Variants in C4orf50 observed in about 807,000 individuals in gnomAD.
The protein encoded by C4orf50 is chromosome 4 open reading frame 50, also known as uncharacterized protein C4orf50.
C4orf50 carries 80 observed loss-of-function variants against 77.2 expected under a neutral mutation model. The observed-to-expected ratio is 1.04, with a 90% confidence interval of 0.87 to 1.25. The LOEUF (loss-of-function observed/expected upper bound fraction) is 1.25. Ranked by LOEUF, C4orf50 falls within the 50% of genes most tolerant of loss-of-function variation. The pLI is 0.00. For synonymous variants in C4orf50, 532 were observed against 465.3 expected (o/e 1.14, Z -1.84); for missense variants, 1,257 against 1,152.9 (o/e 1.09, Z -1.31).
Position 5,988,823 on chromosome 4 carries a change from C to T in C4orf50, c.3223G>A (p.Val1075Met), listed in dbSNP as rs537996369. 21 of 1,536,096 alleles carry T rather than the reference C, an allele frequency of 1.4e-5. No homozygotes were observed. The African/African-American group carries it at 1.6e-4, about 12-fold the overall frequency. Residue 1075 changes from valine (V) to methionine (M), a missense_variant, in exon 28 of 34, where the codon GTG becomes ATG. Val to Met is a conservative substitution (Grantham distance 21). Transcript: ENST00000531445. Reference sequence around the variant, plus strand: ...CGGATCATGTCTTCTATTCCTAGCACGATATCCTTTATCAGCTCTTTATAA... The same window carrying T: ...CGGATCATGTCTTCTATTCCTAGCATGATATCCTTTATCAGCTCTTTATAA...
chr4:5,930,619 G>C (rs1378476303), intron 7 of C4orf50, among the ~76,000 whole-genome samples: 4 of 152,228 alleles, frequency 2.6e-5, no homozygotes, highest in Admixed American at 2.6e-4. Context: ...GCTCTGCATA[G>C]AGCGGGCATG....
At chr4:5,996,080 C>G (rs1412838891) in intron 25 of C4orf50, among the ~76,000 whole-genome samples, 2 of 152,226 alleles carry the variant, frequency 1.3e-5, no homozygotes, top group Non-Finnish European at 2.9e-5. Context: ...TGGTGCCCAT[C>G]TATGGGCTGT....
intron 26 of C4orf50, 100 bp from the exon 5 acceptor site, chr4:5,993,030 A>ACCC (rs138600012): frequency 5.2e-6 from 2 of 387,188 alleles, no homozygotes; most frequent in East Asian, 3.6e-5. Context: ...GTAAGATGGC[A>ACCC]CCCCCCCCAC....
intron 7 of C4orf50, among the ~76,000 whole-genome samples, chr4:5,910,803 G>T (rs1716769518): frequency 6.6e-6 from 1 of 152,074 alleles, no homozygotes; most frequent in South Asian, 2.1e-4. Flanking sequence ...GTTGTTGTCA[G>T]TGGAGTGGGG....
rs1211987711 is a variant in C4orf50 at position 5,901,060 on chromosome 4, G to A, written c.*2475-2872C>T. The stretch of plus-strand genomic sequence containing the variant: ...CACACCTCCGACATACCTATTTTAA[G>A]AACAGTGCCTAGCAGTTCATGGGGA... On this transcript the variant is annotated intron_variant, in intron 7 of 7. Coordinates refer to the C4orf50 transcript ENST00000324058. The surrounding 1 kb of genome is among the most constrained non-coding windows in gnomAD (Gnocchi z 4.4). 6.6e-6 allele frequency: 1 copy of A among 152,230 alleles called. No homozygotes were observed. The highest frequency in any genetic ancestry group is 1.5e-5 in the Non-Finnish European group (1 of 68,050). The allele number at this position is 152,230 out of a possible 1,614,324, so 9.4% of individuals were successfully genotyped here.
At chr4:5,975,914 T>G in exon 30 of C4orf50, 2 of 1,613,688 alleles carry the variant, frequency 1.2e-6, no homozygotes, top group Non-Finnish European at 1.7e-6. Flanking sequence ...GGGGAGTCAC[T>G]GCCAACTTTG....
At position 5,965,114 on chromosome 4, in the gene C4orf50, G is replaced by A. The variant is rs781684678; in HGVS notation, c.4185C>T (p.Asp1395=). 32 of 1,613,316 alleles carry A rather than the reference G, an allele frequency of 2.0e-5. No homozygotes were observed. In the South Asian group the frequency reaches 2.1e-4, roughly 11 times the overall value. ...AAGACAATGAGCTTTGGAGGACACT[G>A]TCCATTTCAGGATTCAAGAGGTATG... is the stretch of plus-strand genomic sequence containing the variant. The change falls in exon 33 of 34, where the codon GAC becomes GAT. Residue 1395 remains aspartate (D), a synonymous_variant. Transcript: ENST00000531445.
chr4:5,920,415 C>T (rs952658940), intron 7 of C4orf50, among the ~76,000 whole-genome samples: 1 of 151,176 alleles, frequency 6.6e-6, no homozygotes, highest in African/African-American at 2.4e-5. Flanking sequence ...CAGGTACCTA[C>T]TTCATGCTGG....
rs185004109 is a variant in C4orf50, at chr4:5,972,517, C to T, written c.4104+1142G>A. Among the ~76,000 whole-genome samples, 672 of 152,282 alleles carry T rather than the reference C, an allele frequency of 4.4e-3. 2 individuals carry two copies. Among genetic ancestry groups the T allele is most frequent in the Middle Eastern group, 0.01 (3 of 294 alleles). The stretch of plus-strand genomic sequence containing the variant: ...CCTATGAATTGAGTCAAAAAATGGC[C>T]CTGAACATGCCTCTTGGCCTCCAAG... On this transcript the variant is annotated intron_variant, in intron 31 of 33. Transcript: ENST00000531445.
At chr4:5,946,577 T>C (rs957065610) in intron 7 of C4orf50, among the ~76,000 whole-genome samples, 2 of 152,208 alleles carry the variant, frequency 1.3e-5, no homozygotes, top group African/African-American at 4.8e-5. Flanking sequence ...GCTTGCAGCC[T>C]ATGCCCCTCC....
At chr4:5,931,112 A>G (rs11729688) in intron 7 of C4orf50, among the ~76,000 whole-genome samples, 36,394 of 152,004 alleles carry the variant, frequency 0.24, 5,597 homozygotes, top group African/African-American at 0.45. Context: ...ACTGGAATCC[A>G]ACTCTGTCAG....
At position 6,017,342 on chromosome 4, in the gene C4orf50, G is replaced by C. The variant is rs1024679747; in HGVS notation, c.287+803C>G. Among the ~76,000 whole-genome samples, 1 of 152,238 alleles carries C rather than the reference G, an allele frequency of 6.6e-6. No homozygotes were observed. Among genetic ancestry groups the C allele is most frequent in the Non-Finnish European group, 1.5e-5 (1 of 68,046 alleles). ...AGCCAGGCCACCCAGCGGGAGCTGG[G>C]ACCGCAGAGGAAGCCGAGAGCACAT... On this transcript the variant is annotated intron_variant, in intron 23 of 33. Coordinates refer to ENST00000531445, the Ensembl canonical transcript of C4orf50. The surrounding 1 kb of genome is among the most constrained non-coding windows in gnomAD (Gnocchi z 4.7).
intron 25 of C4orf50, among the ~76,000 whole-genome samples, chr4:6,001,951 C>T (rs1222822353): frequency 6.6e-6 from 1 of 152,242 alleles, no homozygotes; most frequent in African/African-American, 2.4e-5. Flanking sequence ...ACAAAAGAGG[C>T]TCCTGGGGTC....
intron 31 of C4orf50, 132 bp from the exon 10 acceptor site, chr4:5,967,594 CCT>C: frequency 1.3e-6 from 1 of 741,246 alleles, no homozygotes; most frequent in Non-Finnish European, 2.4e-6. Context: ...TAGGACCAAC[CCT>C]GCCTGTGTGC....
chr4:5,961,478 A>G (rs931805414), intron 33 of C4orf50, among the ~76,000 whole-genome samples: 1 of 152,238 alleles, frequency 6.6e-6, no homozygotes, highest in Admixed American at 6.5e-5. Context: ...CACTTTCCAC[A>G]TATTGATTCA....
intron 7 of C4orf50, among the ~76,000 whole-genome samples, chr4:5,951,635 C>T (rs950197434): frequency 2.0e-5 from 3 of 152,196 alleles, no homozygotes; most frequent in African/African-American, 7.2e-5. Context: ...AATAAATGGT[C>T]TAAGACAGAC....
At chr4:6,004,363 A>ACTG (rs1202492771) in intron 25 of C4orf50, among the ~76,000 whole-genome samples, 3 of 13,786 alleles carry the variant, frequency 2.2e-4, no homozygotes, top group Non-Finnish European at 4.0e-4. Flanking sequence ...GGTGATGGTG[A>ACTG]TGATGGTGAT....
At chr4:5,965,239 TA>T in intron 32 of C4orf50, 94 bp from the exon 11 acceptor site, 1 of 1,303,286 alleles carries the variant, frequency 7.7e-7, no homozygotes, top group Admixed American at 2.2e-5. Flanking sequence ...CTTCACTCTC[TA>T]GCCATTCCCA....
chr4:5,926,522 G>T (rs1017392328), intron 7 of C4orf50, among the ~76,000 whole-genome samples: 17 of 152,160 alleles, frequency 1.1e-4, no homozygotes, highest in Non-Finnish European at 1.6e-4. Flanking sequence ...TGAAATTAGT[G>T]GTGATGGTGG....
Sources: gnomAD v4.1 joint callset for allele counts (sites outside exome capture counted in the v4.1 genomes callset) on GRCh38, gnomAD v4.1.1 for gene constraint, Gnocchi (gnomAD v3.1) non-coding constraint, MANE v1.5 for transcripts, NCBI Gene and HGNC (gene_info 2026-07-23, HGNC 2026-07-21) for gene names.